Variants in SLC8A1 observed in about 807,000 individuals in gnomAD.
SLC8A1 encodes the protein sodium/calcium exchanger 1.
Under a neutral mutation model 68.3 loss-of-function variants are expected in SLC8A1, and 18 were observed. That is an observed-to-expected ratio of 0.26 (90% CI 0.18 to 0.39). SLC8A1 has a LOEUF of 0.39. Ranked by LOEUF, SLC8A1 falls within the 10% of genes least tolerant of loss-of-function variation. The pLI is 1.00. For synonymous variants in SLC8A1, 475 were observed against 415.5 expected (o/e 1.14, Z -1.74); for missense variants, 985 against 1,156.7 (o/e 0.85, Z 2.15).
chr2:40,287,087 G>A (rs1027603899), intron 2 of SLC8A1, among the ~76,000 whole-genome samples: 2 of 152,138 alleles, frequency 1.3e-5, no homozygotes, highest in Non-Finnish European at 2.9e-5. Context: ...TTGGAACTCA[G>A]TAAGCAATGT....
At chr2:40,478,602 A>C (rs1482551325) in intron 1 of SLC8A1, among the ~76,000 whole-genome samples, 1 of 152,164 alleles carries the variant, frequency 6.6e-6, no homozygotes, top group Non-Finnish European at 1.5e-5. Context: ...ATATTCTATA[A>C]ATATGAGTGT....
chr2:40,154,849 G>A (rs375357), intron 6 of SLC8A1, among the ~76,000 whole-genome samples: 22,486 of 151,724 alleles, frequency 0.15, 1,903 homozygotes, highest in African/African-American at 0.21. Context: ...TTTTTTTGTA[G>A]AGATGGGGTT....
At chr2:40,474,783 T>C (rs1704182934) in intron 1 of SLC8A1, among the ~76,000 whole-genome samples, 1 of 152,238 alleles carries the variant, frequency 6.6e-6, no homozygotes, top group South Asian at 2.1e-4. Context: ...GAGCTTGTGC[T>C]CATGGCTATA....
At chr2:40,386,123 T>C (rs951625373) in intron 2 of SLC8A1, among the ~76,000 whole-genome samples, 1 of 151,418 alleles carries the variant, frequency 6.6e-6, no homozygotes, top group African/African-American at 2.5e-5. Flanking sequence ...ACAATCAAGA[T>C]ATAAAGTATA....
intron 1 of SLC8A1, among the ~76,000 whole-genome samples, chr2:40,511,412 T>A (rs1331378099): frequency 6.6e-6 from 1 of 152,204 alleles, no homozygotes; most frequent in Non-Finnish European, 1.5e-5. Context: ...TATGCTTTAA[T>A]TTAATAACTA....
intron 2 of SLC8A1, among the ~76,000 whole-genome samples, chr2:40,253,309 C>CAT (rs1284756097): frequency 2.0e-5 from 3 of 150,324 alleles, no homozygotes; most frequent in African/African-American, 4.9e-5. Flanking sequence ...CATATATACA[C>CAT]ATATATACAC....
Position 40,323,040 on chromosome 2 carries a change from A to G in SLC8A1, c.1808+105433T>C, listed in dbSNP as rs536844850. 4.6e-5 allele frequency among the ~76,000 whole-genome samples: 7 copies of G among 152,328 alleles called. No homozygotes were observed. The South Asian group carries it at 1.2e-3, about 27-fold the overall frequency. On this transcript the variant is annotated intron_variant, in intron 2 of 7. Transcript: ENST00000406785. ...TTATAATTTAAAATTGAAGGATTAT[A>G]TAACACTTAAACTAATGATGGACAG...
chr2:40,314,177 T>C (rs1055686663), intron 2 of SLC8A1, among the ~76,000 whole-genome samples: 1 of 152,102 alleles, frequency 6.6e-6, no homozygotes, highest in Non-Finnish European at 1.5e-5. Context: ...TTTGTGCATA[T>C]AGTGTGAAGT....
intron 2 of SLC8A1, among the ~76,000 whole-genome samples, chr2:40,247,070 G>C (rs982761566): frequency 3.9e-5 from 6 of 152,192 alleles, no homozygotes; most frequent in African/African-American, 1.4e-4. Context: ...GGAAAGGCCA[G>C]CATATTTCTT....
intron 2 of SLC8A1, among the ~76,000 whole-genome samples, chr2:40,225,308 C>A (rs555437597): frequency 6.6e-4 from 101 of 152,190 alleles, no homozygotes; most frequent in African/African-American, 2.2e-3. Flanking sequence ...AAATGATAAA[C>A]AGTATCTCAA....
chr2:40,401,852 C>A (rs1365929496), intron 2 of SLC8A1, among the ~76,000 whole-genome samples: 1 of 152,078 alleles, frequency 6.6e-6, no homozygotes, highest in Non-Finnish European at 1.5e-5. Context: ...TCTTTCTTGA[C>A]TTTATGGGTC....
chr2:40,376,602 AAAAGG>A (rs772467840), intron 2 of SLC8A1, among the ~76,000 whole-genome samples: 3 of 152,094 alleles, frequency 2.0e-5, no homozygotes, highest in Non-Finnish European at 4.4e-5. Flanking sequence ...AGGGAAAAGG[AAAAGG>A]AAAGGAAAGT....
intron 2 of SLC8A1, among the ~76,000 whole-genome samples, chr2:40,318,837 T>C (rs553352168): frequency 6.6e-6 from 1 of 152,234 alleles, no homozygotes; most frequent in South Asian, 2.1e-4. Context: ...GTGCAACGCT[T>C]AGGAAAGTTA....
chr2:40,337,791 C>T (rs72943155), intron 2 of SLC8A1, among the ~76,000 whole-genome samples: 4,694 of 152,206 alleles, frequency 0.031, 118 homozygotes, highest in African/African-American at 0.07. Flanking sequence ...TTTCTTATTT[C>T]AGTTATTGTA....
intron 2 of SLC8A1, among the ~76,000 whole-genome samples, chr2:40,251,987 G>GA (rs150617141): frequency 0.054 from 8,249 of 152,112 alleles, 239 homozygotes; most frequent in Non-Finnish European, 0.062. Context: ...AGTTTAGTGA[G>GA]AAAAAAGTTT....
At chr2:40,243,222 G>A (rs148510574) in intron 2 of SLC8A1, among the ~76,000 whole-genome samples, 68 of 152,250 alleles carry the variant, frequency 4.5e-4, no homozygotes, top group African/African-American at 1.5e-3. Context: ...AAGGCCAGGC[G>A]TGTAATCCCA....
Position 40,233,093 on chromosome 2 carries a change from T to C in SLC8A1, c.1809-55238A>G, listed in dbSNP as rs1385567420. 1.1e-4 allele frequency among the ~76,000 whole-genome samples: 17 copies of C among 152,296 alleles called. No individual in the cohort carries two copies. In the South Asian group the frequency reaches 2.3e-3, roughly 20 times the overall value. ...TGTGTCTTTATAGCAGCATGATTTA[T>C]AGTCCTTTGGGTATATACCCAGTAA... On this transcript the variant is annotated intron_variant, in intron 2 of 7. Transcript: ENST00000406785.
At chr2:40,245,277 G>A (rs1024462423) in intron 2 of SLC8A1, among the ~76,000 whole-genome samples, 1 of 114,288 alleles carries the variant, frequency 8.7e-6, no homozygotes, top group Non-Finnish European at 1.8e-5. Context: ...TTTAGTTTGG[G>A]AGCCTATACC....
At chr2:40,293,176 A>G (rs909642916) in intron 2 of SLC8A1, among the ~76,000 whole-genome samples, 3 of 152,108 alleles carry the variant, frequency 2.0e-5, no homozygotes, top group Non-Finnish European at 4.4e-5. Flanking sequence ...TTCAATGTCT[A>G]TTGACCTCGT....
Sources: allele counts gnomAD v4.1 joint callset (sites outside exome capture counted in the v4.1 genomes callset), GRCh38; gene constraint gnomAD v4.1.1; transcripts MANE v1.5; gene names NCBI Gene and HGNC (gene_info 2026-07-23, HGNC 2026-07-21).